Variants in FBLN5 observed in about 807,000 individuals in gnomAD.
The protein encoded by FBLN5 is fibulin-5.
FBLN5 carries 24 observed loss-of-function variants against 61.6 expected under a neutral mutation model. The observed-to-expected ratio is 0.39, with a 90% CI of 0.28 to 0.55. The LOEUF (loss-of-function observed/expected upper bound fraction) is 0.55. FBLN5 is among the 20% of genes least tolerant of loss of function. The pLI, the probability that FBLN5 is intolerant of heterozygous loss-of-function variation, is 0.65. For missense variants in FBLN5, 470 were observed against 594.1 expected, an observed-to-expected ratio of 0.79 and a Z score of 2.17; for synonymous variants, 213 against 219.8, an observed-to-expected ratio of 0.97 and a Z score of 0.27.
intron 2 of FBLN5, chr14:91,942,002 A>G (rs937922799): frequency 5.6e-6 from 2 of 360,102 alleles, no homozygotes; most frequent in African/African-American, 4.3e-5. Flanking sequence ...TATGCTTCAA[A>G]ATTCTTAATA....
chr14:91,913,733 T>C (rs1891062186), intron 4 of FBLN5, among the ~76,000 whole-genome samples: 1 of 152,246 alleles, frequency 6.6e-6, no homozygotes, highest in Non-Finnish European at 1.5e-5. Context: ...CTTGGCATTG[T>C]GCTAGGCATT....
At chr14:91,912,745 G>A (rs754962513) in intron 4 of FBLN5, among the ~76,000 whole-genome samples, 1 of 151,268 alleles carries the variant, frequency 6.6e-6, no homozygotes, top group African/African-American at 2.4e-5. Flanking sequence ...GGGAAATCGA[G>A]GCTGCCATGA....
intron 4 of FBLN5, among the ~76,000 whole-genome samples, chr14:91,935,339 C>T (rs1052147462): frequency 1.3e-5 from 2 of 152,178 alleles, no homozygotes; most frequent in African/African-American, 2.4e-5. Context: ...TGAGCTTGCC[C>T]GAGGCATCAG....
chr14:91,884,566 C>T (rs1452986260), intron 7 of FBLN5, among the ~76,000 whole-genome samples: 1 of 152,252 alleles, frequency 6.6e-6, no homozygotes, highest in African/African-American at 2.4e-5. Context: ...AGAAGAAAAA[C>T]TGAGACTTAC....
chr14:91,870,837 T>C (rs540555064), intron 10 of FBLN5, among the ~76,000 whole-genome samples: 2 of 152,312 alleles, frequency 1.3e-5, no homozygotes, highest in African/African-American at 4.8e-5. Flanking sequence ...ACACAGAAGG[T>C]GTTCAGAAAA....
chr14:91,945,001 T>A (rs1029306293), intron 1 of FBLN5, among the ~76,000 whole-genome samples: 1 of 152,120 alleles, frequency 6.6e-6, no homozygotes, highest in Admixed American at 6.5e-5. Context: ...GAGGCCGAGG[T>A]GGGTGGATCA....
At chr14:91,932,441 C>T (rs1356326600) in intron 4 of FBLN5, among the ~76,000 whole-genome samples, 1 of 152,176 alleles carries the variant, frequency 6.6e-6, no homozygotes, top group African/African-American at 2.4e-5. Flanking sequence ...CCCGGCCCCG[C>T]CCAGCCCATG....
chr14:91,878,497 A>G (rs925693474), intron 9 of FBLN5, among the ~76,000 whole-genome samples: 8 of 152,164 alleles, frequency 5.3e-5, no homozygotes, highest in African/African-American at 1.9e-4. Context: ...AATAGGATGA[A>G]GATGTCTGTT....
At chr14:91,929,893 ATGGGCACAGCTACTTT>A (rs2055895194) in intron 4 of FBLN5, among the ~76,000 whole-genome samples, 1 of 152,178 alleles carries the variant, frequency 6.6e-6, no homozygotes, top group African/African-American at 2.4e-5. Flanking sequence ...CAGGTGATTC[ATGGGCACAGCTACTTT>A]TGGGAACAGC....
At position 91,870,388 on chromosome 14, in the gene FBLN5, A is replaced by G. The variant is rs111561173; in HGVS notation, c.1186-3T>C. The G allele has an allele frequency of 6.2e-6, 10 of 1,613,388 alleles. No homozygotes were observed. The highest frequency in any genetic ancestry group is 3.3e-5 in the Admixed American group (2 of 60,010). On this transcript the variant is annotated splice_region_variant and splice_polypyrimidine_tract_variant and intron_variant, in intron 10 of 10. Transcript: ENST00000342058. Reference sequence around the variant, plus strand: ...GTGGCACTGATGGGGCCCGTTTGCTATGGACAGAACCGGGGAACACCAGTG... The same window carrying G: ...GTGGCACTGATGGGGCCCGTTTGCTGTGGACAGAACCGGGGAACACCAGTG...
At chr14:91,903,679 C>T (rs1157686715) in intron 4 of FBLN5, among the ~76,000 whole-genome samples, 1 of 152,150 alleles carries the variant, frequency 6.6e-6, no homozygotes, top group Non-Finnish European at 1.5e-5. Flanking sequence ...AGCCCTGTCT[C>T]GGTTAACAGT....
intron 5 of FBLN5, among the ~76,000 whole-genome samples, chr14:91,894,619 G>C (rs926453625): frequency 6.6e-6 from 1 of 152,040 alleles, no homozygotes; most frequent in Non-Finnish European, 1.5e-5. Context: ...CTACTCGGGA[G>C]GCTGAGGCAG....
intron 2 of FBLN5, among the ~76,000 whole-genome samples, chr14:91,941,299 A>T (rs573869955): frequency 6.6e-6 from 1 of 152,346 alleles, no homozygotes; most frequent in East Asian, 1.9e-4. Flanking sequence ...CAACCTCAGC[A>T]AGATGACGAC....
In FBLN5 at chr14:91,881,393, G is replaced by C; in HGVS notation, c.888C>G (p.Asn296Lys). 6.2e-7 allele frequency: 1 copy of C among 1,614,196 alleles called. No individual in the cohort carries two copies. Among genetic ancestry groups the C allele is most frequent in the Non-Finnish European group, 8.5e-7 (1 of 1,180,020 alleles). ...ACGTCTGCTGCAGGTTGCACGTGTG[G>C]TTCCTGTGCTCACATTCGTTGATGT... Reference protein sequence around the residue: ...CQDINECEHRNHTCNLQQTCY... With the variant: ...CQDINECEHRKHTCNLQQTCY... Residue 296 changes from asparagine to lysine, a missense_variant, in exon 9 of 11, where the codon AAC (asparagine) becomes AAG (lysine). Asn to Lys is a moderately conservative substitution (Grantham distance 94, BLOSUM62 0). Transcript: ENST00000342058.
At chr14:91,914,660 A>C (rs1418022871) in intron 4 of FBLN5, among the ~76,000 whole-genome samples, 1 of 151,980 alleles carries the variant, frequency 6.6e-6, no homozygotes, top group Non-Finnish European at 1.5e-5. Context: ...AAATTTAAAC[A>C]GAAACAAATC....
chr14:91,895,668 T>G (rs577271105), intron 4 of FBLN5, among the ~76,000 whole-genome samples: 1 of 151,664 alleles, frequency 6.6e-6, no homozygotes, highest in South Asian at 2.1e-4. Context: ...CCTGGTGGCA[T>G]GCGCCTGTAG....
Position 91,894,936 on chromosome 14 carries a change from C to T in FBLN5, c.502+14G>A, listed in dbSNP as rs372515145. Reference sequence around the variant, plus strand: ...CTTCCAAGAGTCCCTGTGACCCCCCCAGAGAGCTGTTACCTAAGCACTGGC... The same window carrying T: ...CTTCCAAGAGTCCCTGTGACCCCCCTAGAGAGCTGTTACCTAAGCACTGGC... On this transcript the variant is annotated intron_variant, in intron 5 of 10. Transcript: ENST00000342058. 1.2e-6 allele frequency: 2 copies of T among 1,613,478 alleles called. No individual in the cohort carries two copies. The highest frequency in any genetic ancestry group is 1.7e-6 in the Non-Finnish European group (2 of 1,179,642).
chr14:91,917,623 C>T (rs1286649398), intron 4 of FBLN5, among the ~76,000 whole-genome samples: 2 of 142,592 alleles, frequency 1.4e-5, no homozygotes, highest in East Asian at 2.0e-4. Flanking sequence ...AAACAAAATA[C>T]GTTTAGGTAG....
chr14:91,935,779 C>T (rs1285953620), intron 4 of FBLN5, among the ~76,000 whole-genome samples: 1 of 152,224 alleles, frequency 6.6e-6, no homozygotes, highest in African/African-American at 2.4e-5. Flanking sequence ...ACCATCTTCT[C>T]CACCAAAGTT....
Sources: gnomAD v4.1 joint callset for allele counts (sites outside exome capture counted in the v4.1 genomes callset) on GRCh38, gnomAD v4.1.1 for gene constraint, MANE v1.5 for transcripts, NCBI Gene and HGNC (gene_info 2026-07-23, HGNC 2026-07-21) for gene names.